DSCAM: variants seen among roughly 807,000 people sequenced by gnomAD.
The protein encoded by DSCAM is cell adhesion molecule DSCAM.
A neutral mutation model predicts 217.7 loss-of-function variants in DSCAM; 47 were observed. The ratio of observed to expected loss-of-function variants is 0.22; its 90% CI spans 0.17 to 0.28. The LOEUF (loss-of-function observed/expected upper bound fraction) is 0.28. Among genes scored for constraint, DSCAM ranks in the 10% least tolerant of loss-of-function variants. The probability of loss-of-function intolerance (pLI) is 1.00; values close to 1 mark genes in which losing one functional copy is unlikely to be tolerated. For synonymous variants in DSCAM, 1,056 were observed against 1,015.3 expected (o/e 1.04, Z -0.76); for missense variants, 2,080 against 2,618.3 (o/e 0.79, Z 4.49).
At chr21:40,594,045 A>C (rs2146248486) in intron 3 of DSCAM, among the ~76,000 whole-genome samples, 1 of 152,296 alleles carries the variant, frequency 6.6e-6, no homozygotes, top group Admixed American at 6.5e-5. Flanking sequence ...TTTGAAACAA[A>C]ATTCTGCTTT....
At chr21:40,441,758 A>T (rs570528805) in intron 3 of DSCAM, among the ~76,000 whole-genome samples, 1 of 152,238 alleles carries the variant, frequency 6.6e-6, no homozygotes, top group Admixed American at 6.5e-5. Flanking sequence ...TTCTTAGCTC[A>T]CTGGGCTTCT....
intron 3 of DSCAM, among the ~76,000 whole-genome samples, chr21:40,524,609 C>T (rs1443105218): frequency 1.3e-5 from 2 of 152,082 alleles, no homozygotes; most frequent in African/African-American, 4.8e-5. Flanking sequence ...CTAATTCATT[C>T]TTTTTTTGCT....
intron 20 of DSCAM, among the ~76,000 whole-genome samples, chr21:40,100,227 GAA>G (rs1043543657): frequency 1.6e-4 from 25 of 151,856 alleles, no homozygotes; most frequent in Non-Finnish European, 2.7e-4. Flanking sequence ...GTAGGTAGGA[GAA>G]AAAAGAAAAA....
At chr21:40,530,944 T>A (rs954691271) in intron 3 of DSCAM, among the ~76,000 whole-genome samples, 1 of 126,932 alleles carries the variant, frequency 7.9e-6, no homozygotes, top group Non-Finnish European at 1.7e-5. Flanking sequence ...CATCCATCCA[T>A]CCATCCATCC....
chr21:40,410,265 C>T (rs1165031414), intron 3 of DSCAM, among the ~76,000 whole-genome samples: 2 of 151,946 alleles, frequency 1.3e-5, no homozygotes, highest in Admixed American at 6.6e-5. Flanking sequence ...CAGAAGAAAT[C>T]ATCTGTGAAC....
At chr21:40,574,810 G>A (rs958648919) in intron 3 of DSCAM, among the ~76,000 whole-genome samples, 2 of 151,396 alleles carry the variant, frequency 1.3e-5, no homozygotes, top group African/African-American at 2.4e-5. Flanking sequence ...TGGGTTCAAG[G>A]GATTCTCCTG....
At chr21:40,515,831 T>C (rs1456453929) in intron 3 of DSCAM, among the ~76,000 whole-genome samples, 1 of 152,178 alleles carries the variant, frequency 6.6e-6, no homozygotes, top group Non-Finnish European at 1.5e-5. Context: ...ATGTGTCTAG[T>C]ATAATACATG....
At chr21:40,381,028 A>C (rs1199610198) in intron 3 of DSCAM, among the ~76,000 whole-genome samples, 1 of 137,342 alleles carries the variant, frequency 7.3e-6, no homozygotes, top group Non-Finnish European at 1.5e-5. Flanking sequence ...GTGCCACTGC[A>C]CTCCAGCCTG....
intron 3 of DSCAM, among the ~76,000 whole-genome samples, chr21:40,462,289 C>T (rs1007825641): frequency 2.6e-5 from 4 of 152,124 alleles, no homozygotes; most frequent in Non-Finnish European, 4.4e-5. Context: ...AGACCAGTAG[C>T]AGAAGTGTCA....
At chr21:40,307,912 A>G (rs1022316165) in intron 9 of DSCAM, among the ~76,000 whole-genome samples, 15 of 135,120 alleles carry the variant, frequency 1.1e-4, no homozygotes, top group Non-Finnish European at 2.2e-4. Context: ...GAAGGGGAAC[A>G]TCACACTCTG....
intron 11 of DSCAM, among the ~76,000 whole-genome samples, chr21:40,269,512 G>T (rs2123357809): frequency 6.6e-6 from 1 of 152,314 alleles, no homozygotes; most frequent in South Asian, 2.1e-4. Flanking sequence ...GAGTTCTGTT[G>T]TCACTGAGTG....
chr21:40,447,422 C>G (rs915256914), intron 3 of DSCAM, among the ~76,000 whole-genome samples: 1 of 152,128 alleles, frequency 6.6e-6, no homozygotes, highest in Non-Finnish European at 1.5e-5. Flanking sequence ...TTCTGGGTAC[C>G]ATTACTGTTC....
intron 3 of DSCAM, among the ~76,000 whole-genome samples, chr21:40,455,684 G>A (rs569758409): frequency 2.0e-5 from 3 of 152,184 alleles, no homozygotes; most frequent in African/African-American, 4.8e-5. Flanking sequence ...CAGGAGTATC[G>A]GTTGAATCCA....
At position 40,637,704 on chromosome 21, in the gene DSCAM, ACT is replaced by A. The variant is rs1370346049; in HGVS notation, c.508+55104_508+55105del. Among the ~76,000 whole-genome samples the A allele has an allele frequency of 2.2e-5, 3 of 138,996 alleles. No homozygotes were observed. In the East Asian group the frequency reaches 6.2e-4, roughly 29 times the overall value. The allele number at this position is 138,996 out of a possible 152,430, so 91.2% of individuals were successfully genotyped here. A position where few individuals can be genotyped will look rare whatever the true frequency, so the allele number is the denominator to read the frequency against. ...TTTTCTGTTTTGGAGACAGAGTCTCACTCTGTCAGCCAGGCTGGAGTGCAATG... is the reference window on the plus strand; with the variant it reads ...TTTTCTGTTTTGGAGACAGAGTCTCACTGTCAGCCAGGCTGGAGTGCAATG... On this transcript the variant is annotated intron_variant, in intron 3 of 32. Coordinates refer to ENST00000400454, the MANE Select transcript of DSCAM (RefSeq NM_001389.5).
At chr21:40,178,125 G>A (rs1403804380) in intron 15 of DSCAM, among the ~76,000 whole-genome samples, 3 of 152,204 alleles carry the variant, frequency 2.0e-5, no homozygotes, top group Admixed American at 6.5e-5. Flanking sequence ...CTGCCAGGAG[G>A]CGGGCTGACA....
chr21:40,691,585 G>A (rs568985068), intron 3 of DSCAM, among the ~76,000 whole-genome samples: 81 of 152,264 alleles, frequency 5.3e-4, no homozygotes, highest in Non-Finnish European at 9.8e-4. Context: ...AATGTATAAG[G>A]GAGTCTCTAT....
chr21:40,121,892 C>T (rs1473642051), intron 20 of DSCAM, among the ~76,000 whole-genome samples: 1 of 151,750 alleles, frequency 6.6e-6, no homozygotes, highest in Non-Finnish European at 1.5e-5. Flanking sequence ...GAGTTTCATA[C>T]GTTGGCCAGG....
intron 1 of DSCAM, among the ~76,000 whole-genome samples, chr21:40,813,484 T>C (rs151066405): frequency 3.3e-4 from 50 of 152,326 alleles, no homozygotes; most frequent in African/African-American, 1.2e-3. Context: ...GCTTTTGCTG[T>C]ATCTCAGTGG....
chr21:40,444,598 C>T (rs1480351472), intron 3 of DSCAM, among the ~76,000 whole-genome samples: 1 of 152,180 alleles, frequency 6.6e-6, no homozygotes, highest in African/African-American at 2.4e-5. Context: ...CTGACTAATA[C>T]ATATTCTATT....
Sources: gnomAD v4.1 joint callset for allele counts (sites outside exome capture counted in the v4.1 genomes callset) on GRCh38, gnomAD v4.1.1 for gene constraint, MANE v1.5 for transcripts, NCBI Gene and HGNC (gene_info 2026-07-23, HGNC 2026-07-21) for gene names.